Variants in SEMA3E observed in about 807,000 individuals in gnomAD.
SEMA3E encodes the protein semaphorin 3E.
SEMA3E carries 49 observed loss-of-function variants against 93.6 expected under a neutral mutation model. The observed-to-expected ratio is 0.52, with a 90% CI of 0.42 to 0.66. SEMA3E has a LOEUF of 0.66. SEMA3E is among the 30% of genes least tolerant of loss of function. The probability of loss-of-function intolerance (pLI) is 0.00; values close to 1 mark genes in which losing one functional copy is unlikely to be tolerated. For missense variants in SEMA3E, 906 were observed against 964.8 expected (o/e 0.94, Z 0.81); for synonymous variants, 363 against 330.7 (o/e 1.10, Z -1.06).
At chr7:83,427,441 A>G (rs1788795291) in intron 4 of SEMA3E, among the ~76,000 whole-genome samples, 1 of 152,140 alleles carries the variant, frequency 6.6e-6, no homozygotes, top group Non-Finnish European at 1.5e-5. Context: ...TCTCAGTACA[A>G]TATTTTTGCA....
intron 1 of SEMA3E, among the ~76,000 whole-genome samples, chr7:83,627,728 T>A (rs928310423): frequency 4.7e-5 from 7 of 148,796 alleles, no homozygotes; most frequent in African/African-American, 1.5e-4. Context: ...GTGAGATAGG[T>A]CTCCTGAATA....
rs369397277 is a variant in SEMA3E, at chr7:83,474,058, C to T, written c.277-4756G>A. Reference sequence around the variant, plus strand: ...AGTGAGCCAGGATCCTGCCACTACACTCCAGCCTGGGCAACAGAGTGAGAC... The same window carrying T: ...AGTGAGCCAGGATCCTGCCACTACATTCCAGCCTGGGCAACAGAGTGAGAC... On this transcript the variant is annotated intron_variant, in intron 2 of 16. Transcript: ENST00000643230. Among the ~76,000 whole-genome samples, 11 of 145,788 alleles carry T rather than the reference C, an allele frequency of 7.5e-5. No individual in the cohort carries two copies. The East Asian group carries it at 2.2e-3, about 30-fold the overall frequency.
chr7:83,420,012 T>G (rs887521831), intron 4 of SEMA3E, among the ~76,000 whole-genome samples: 3 of 152,144 alleles, frequency 2.0e-5, no homozygotes, highest in Non-Finnish European at 4.4e-5. Flanking sequence ...ACGATCTCTC[T>G]TCACTGATTG....
chr7:83,515,701 T>G (rs1251175572), intron 1 of SEMA3E, among the ~76,000 whole-genome samples: 1 of 152,198 alleles, frequency 6.6e-6, no homozygotes, highest in African/African-American at 2.4e-5. Context: ...ATGTAATATT[T>G]CTTTCTCCCA....
chr7:83,474,641 G>A (rs1231827043), intron 2 of SEMA3E, among the ~76,000 whole-genome samples: 1 of 152,182 alleles, frequency 6.6e-6, no homozygotes, highest in African/African-American at 2.4e-5. Context: ...TAGAAAAGAT[G>A]TTGATGTTAG....
At chr7:83,415,352 G>A (rs981311160) in intron 5 of SEMA3E, among the ~76,000 whole-genome samples, 4 of 152,000 alleles carry the variant, frequency 2.6e-5, no homozygotes, top group African/African-American at 9.7e-5. Flanking sequence ...GATATGAGCT[G>A]ATATGCTACC....
At chr7:83,392,816 A>G in intron 13 of SEMA3E, 95 bp from the exon 14 acceptor site, 1 of 1,187,836 alleles carries the variant, frequency 8.4e-7, no homozygotes, top group Non-Finnish European at 1.2e-6. Context: ...ATCACCTCAG[A>G]AAAAATTCAC....
intron 1 of SEMA3E, among the ~76,000 whole-genome samples, chr7:83,587,583 G>A (rs182489): frequency 0.57 from 86,922 of 151,820 alleles, 26,590 homozygotes; most frequent in African/African-American, 0.8. Flanking sequence ...ATGGTGGCTC[G>A]GGCCTGTAAT....
At chr7:83,422,157 AC>A (rs1165017224) in intron 4 of SEMA3E, among the ~76,000 whole-genome samples, 1 of 152,216 alleles carries the variant, frequency 6.6e-6, no homozygotes, top group Non-Finnish European at 1.5e-5. Context: ...AGACTGGGCA[AC>A]AAGAGTGAAA....
At chr7:83,472,210 C>G (rs763186138) in intron 2 of SEMA3E, among the ~76,000 whole-genome samples, 3 of 152,206 alleles carry the variant, frequency 2.0e-5, no homozygotes, top group Non-Finnish European at 4.4e-5. Context: ...TCTATACCAG[C>G]AATCCATGCC....
chr7:83,428,781 T>C (rs535841830), intron 4 of SEMA3E, among the ~76,000 whole-genome samples: 1 of 152,332 alleles, frequency 6.6e-6, no homozygotes, highest in Non-Finnish European at 1.5e-5. Context: ...ATTTGTATCA[T>C]ACATTAAAAT....
At chr7:83,373,063 C>T (rs1291293657) in intron 16 of SEMA3E, 1 of 151,814 alleles carries the variant, frequency 6.6e-6, no homozygotes, top group Non-Finnish European at 1.5e-5. Flanking sequence ...TATAGGCAAT[C>T]TATATAAATA....
intron 1 of SEMA3E, among the ~76,000 whole-genome samples, chr7:83,599,674 T>C (rs1792942942): frequency 6.6e-6 from 1 of 152,210 alleles, no homozygotes; most frequent in Non-Finnish European, 1.5e-5. Context: ...CAGTTAATAC[T>C]ATTAAAAATC....
chr7:83,390,059 G>GTCTACGTATA, intron 14 of SEMA3E, among the ~76,000 whole-genome samples: 1 of 24,530 alleles, frequency 4.1e-5, no homozygotes, highest in East Asian at 2.8e-3. Context: ...GTATACGTGT[G>GTCTACGTATA]CACATATATG....
At chr7:83,435,313 G>T (rs1410276046) in intron 4 of SEMA3E, among the ~76,000 whole-genome samples, 1 of 152,054 alleles carries the variant, frequency 6.6e-6, no homozygotes, top group Non-Finnish European at 1.5e-5. Flanking sequence ...TGAATTTTTG[G>T]CCTGGCACAG....
At position 83,587,593 on chromosome 7, in the gene SEMA3E, T is replaced by A. The variant is rs934579723; in HGVS notation, c.115+60835A>T. On this transcript the variant is annotated intron_variant, in intron 1 of 16. Coordinates refer to ENST00000643230, the MANE Select transcript of SEMA3E (RefSeq NM_012431.3). ...AAGGCATGGTGGCTCGGGCCTGTAA[T>A]CTCAGCACTTAGAAAAAATAGTAGA... is the stretch of plus-strand genomic sequence containing the variant. Among the ~76,000 whole-genome samples the A allele has an allele frequency of 9.9e-5, 15 of 152,080 alleles. No individual in the cohort carries two copies. In the South Asian group the frequency reaches 1.2e-3, roughly 13 times the overall value.
intron 1 of SEMA3E, among the ~76,000 whole-genome samples, chr7:83,540,930 T>C (rs1791518269): frequency 6.6e-6 from 1 of 152,216 alleles, no homozygotes; most frequent in Admixed American, 6.6e-5. Flanking sequence ...AATATAGCTA[T>C]TTTCTGGAAT....
chr7:83,472,645 T>C (rs1789923458), intron 2 of SEMA3E, among the ~76,000 whole-genome samples: 1 of 152,202 alleles, frequency 6.6e-6, no homozygotes, highest in African/African-American at 2.4e-5. Context: ...GTGATTTATC[T>C]TGGAGGGATG....
At chr7:83,443,424 G>A (rs1451076095) in intron 4 of SEMA3E, among the ~76,000 whole-genome samples, 2 of 152,168 alleles carry the variant, frequency 1.3e-5, no homozygotes. Flanking sequence ...ATTATAGCAA[G>A]ACAGACTAGA....
Sources: gnomAD v4.1 joint callset for allele counts (sites outside exome capture counted in the v4.1 genomes callset) on GRCh38, gnomAD v4.1.1 for gene constraint, MANE v1.5 for transcripts, NCBI Gene and HGNC (gene_info 2026-07-23, HGNC 2026-07-21) for gene names.